ADAMTS19: variants seen among roughly 807,000 people sequenced by gnomAD.
ADAMTS19 encodes the protein A disintegrin and metalloproteinase with thrombospondin motifs 19.
Under a neutral mutation model 153.3 loss-of-function variants are expected in ADAMTS19, and 93 were observed. That is an observed-to-expected ratio of 0.61 (90% CI 0.51 to 0.72). ADAMTS19 has a LOEUF of 0.72. Ranked by LOEUF, ADAMTS19 falls within the 30% of genes least tolerant of loss-of-function variation. The pLI, the probability that ADAMTS19 is intolerant of heterozygous loss-of-function variation, is 0.00. For missense variants in ADAMTS19, 1,482 were observed against 1,552.1 expected (o/e 0.95, Z 0.76); for synonymous variants, 600 against 556.6 (o/e 1.08, Z -1.10).
chr5:129,722,419 G>A (rs182081091), intron 21 of ADAMTS19, among the ~76,000 whole-genome samples: 1,954 of 152,092 alleles, frequency 0.013, 35 homozygotes, highest in African/African-American at 0.043. Flanking sequence ...GTCTGTTCAT[G>A]TCCTTTGCCC....
intron 21 of ADAMTS19, among the ~76,000 whole-genome samples, chr5:129,720,003 C>A (rs114106267): frequency 0.013 from 1,938 of 151,980 alleles, 34 homozygotes; most frequent in African/African-American, 0.043. Context: ...TTGCGCCACT[C>A]CTCCAGCCTG....
intron 16 of ADAMTS19, among the ~76,000 whole-genome samples, chr5:129,671,795 T>G (rs1048817632): frequency 2.6e-5 from 4 of 152,146 alleles, no homozygotes; most frequent in Non-Finnish European, 5.9e-5. Flanking sequence ...TGTTATATCT[T>G]TGCAAAATCA....
chr5:129,538,072 T>C (rs929918699), intron 6 of ADAMTS19, among the ~76,000 whole-genome samples: 2 of 152,146 alleles, frequency 1.3e-5, no homozygotes, highest in African/African-American at 4.8e-5. Flanking sequence ...GGTCAAGTCT[T>C]TCTTCCTTCT....
intron 21 of ADAMTS19, among the ~76,000 whole-genome samples, chr5:129,733,255 G>A (rs2116734): frequency 6.6e-6 from 1 of 151,834 alleles, no homozygotes; most frequent in African/African-American, 2.4e-5. Flanking sequence ...TGCAAGGAAT[G>A]TATGAGTAAG....
At chr5:129,684,725 C>T (rs1229157314) in intron 18 of ADAMTS19, among the ~76,000 whole-genome samples, 3 of 151,798 alleles carry the variant, frequency 2.0e-5, no homozygotes, top group African/African-American at 7.2e-5. Flanking sequence ...CGGTGGCTCA[C>T]GCCTGTAATC....
chr5:129,638,993 TA>T (rs1211123833), intron 10 of ADAMTS19, among the ~76,000 whole-genome samples: 1 of 152,240 alleles, frequency 6.6e-6, no homozygotes, highest in Non-Finnish European at 1.5e-5. Flanking sequence ...TATATTCTTT[TA>T]ATAAACTCTT....
intron 16 of ADAMTS19, among the ~76,000 whole-genome samples, chr5:129,677,623 A>G (rs868267080): frequency 3.5e-4 from 53 of 152,096 alleles, no homozygotes; most frequent in African/African-American, 1.2e-3. Flanking sequence ...AGGGGAACCA[A>G]TTCATTACCA....
intron 18 of ADAMTS19, among the ~76,000 whole-genome samples, chr5:129,684,822 C>T (rs1034393258): frequency 2.6e-5 from 4 of 151,910 alleles, no homozygotes; most frequent in African/African-American, 9.7e-5. Flanking sequence ...CCCGTCTCTA[C>T]AAAAAATACA....
intron 21 of ADAMTS19, among the ~76,000 whole-genome samples, chr5:129,728,642 A>G (rs1757309775): frequency 2.6e-5 from 4 of 152,132 alleles, no homozygotes; most frequent in Admixed American, 2.6e-4. Flanking sequence ...AGTGTAACTG[A>G]TTATTTAAAT....
At chr5:129,536,042 A>C (rs1206625155) in intron 6 of ADAMTS19, among the ~76,000 whole-genome samples, 12 of 152,214 alleles carry the variant, frequency 7.9e-5, no homozygotes, top group Non-Finnish European at 1.8e-4. Flanking sequence ...CAATGGCAAC[A>C]AAAGCCAAAA....
chr5:129,581,828 A>G (rs1269380246), intron 7 of ADAMTS19, among the ~76,000 whole-genome samples: 1 of 152,074 alleles, frequency 6.6e-6, no homozygotes, highest in East Asian at 1.9e-4. Flanking sequence ...GTTTTAAATA[A>G]CTTATTTATT....
At chr5:129,532,526 G>T (rs769982796) in intron 6 of ADAMTS19, among the ~76,000 whole-genome samples, 1 of 152,088 alleles carries the variant, frequency 6.6e-6, no homozygotes. Flanking sequence ...ACTGGAAAAT[G>T]AGTAGTTTCT....
intron 6 of ADAMTS19, among the ~76,000 whole-genome samples, chr5:129,531,617 T>G (rs1752208557): frequency 6.6e-6 from 1 of 152,112 alleles, no homozygotes; most frequent in African/African-American, 2.4e-5. Context: ...TGAGCAAGAC[T>G]CTGTCTCAAA....
intron 19 of ADAMTS19, among the ~76,000 whole-genome samples, chr5:129,695,523 G>T (rs539583790): frequency 6.6e-6 from 1 of 152,168 alleles, no homozygotes; most frequent in Non-Finnish European, 1.5e-5. Flanking sequence ...CCATGCCTTG[G>T]TTACTGGAAG....
chr5:129,558,018 A>T (rs979559137), intron 7 of ADAMTS19, among the ~76,000 whole-genome samples: 9 of 152,158 alleles, frequency 5.9e-5, no homozygotes, highest in Non-Finnish European at 1.2e-4. Flanking sequence ...TCTTGTTTGG[A>T]TAAAGAAAAT....
At chr5:129,656,121 A>G (rs1466150645) in intron 14 of ADAMTS19, among the ~76,000 whole-genome samples, 11 of 152,316 alleles carry the variant, frequency 7.2e-5, no homozygotes, top group African/African-American at 2.6e-4. Context: ...ACAGTATTGT[A>G]TAAGCCAAAT....
Position 129,665,598 on chromosome 5 carries a change from A to G in ADAMTS19, c.2506+19A>G, listed in dbSNP as rs572165156. 1.3e-6 allele frequency: 2 copies of G among 1,588,474 alleles called. No homozygotes were observed. The highest frequency in any genetic ancestry group is 1.7e-6 in the Non-Finnish European group (2 of 1,160,308). Reference sequence around the variant, plus strand: ...TATTTAGGTAACCTGTGTTACAGACACAGAGAAGATCCAAGTACGAGCCCA... The same window carrying G: ...TATTTAGGTAACCTGTGTTACAGACGCAGAGAAGATCCAAGTACGAGCCCA... On this transcript the variant is annotated intron_variant, in intron 16 of 22. Transcript: ENST00000274487.
At chr5:129,467,553 T>G (rs1030613758) in intron 2 of ADAMTS19, among the ~76,000 whole-genome samples, 1 of 152,194 alleles carries the variant, frequency 6.6e-6, no homozygotes, top group African/African-American at 2.4e-5. Flanking sequence ...ATCGTATGCA[T>G]TTAATAGAGG....
At chr5:129,560,839 A>G (rs2126841451) in intron 7 of ADAMTS19, among the ~76,000 whole-genome samples, 1 of 152,280 alleles carries the variant, frequency 6.6e-6, no homozygotes, top group African/African-American at 2.4e-5. Flanking sequence ...TATAGTTAAG[A>G]TGTCACCGCA....
Sources: allele counts gnomAD v4.1 joint callset (sites outside exome capture counted in the v4.1 genomes callset), GRCh38; gene constraint gnomAD v4.1.1; transcripts MANE v1.5; gene names NCBI Gene and HGNC (gene_info 2026-07-23, HGNC 2026-07-21).